Variants in ANKRD30A observed in about 807,000 individuals in gnomAD.
ANKRD30A encodes the protein ankyrin repeat domain-containing protein 30A.
A neutral mutation model predicts 166.3 loss-of-function variants in ANKRD30A; 170 were observed. That is an observed-to-expected ratio of 1.02 (90% CI 0.90 to 1.16). ANKRD30A has a LOEUF of 1.16. Ranked by LOEUF, ANKRD30A falls within the 50% of genes most tolerant of loss-of-function variation. The pLI is 0.00. For synonymous variants in ANKRD30A, 564 were observed against 508.9 expected (o/e 1.11, Z -1.46); for missense variants, 1,630 against 1,518.0 (o/e 1.07, Z -1.23).
intron 11 of ANKRD30A, among the ~76,000 whole-genome samples, chr10:37,151,667 G>C (rs771755606): frequency 6.6e-6 from 1 of 152,044 alleles, no homozygotes; most frequent in Non-Finnish European, 1.5e-5. Flanking sequence ...AGAGATTGCT[G>C]AGTCAATCAA....
downstream of ANKRD30A, among the ~76,000 whole-genome samples, chr10:37,236,002 T>C (rs1341782311): frequency 6.6e-6 from 1 of 152,106 alleles, no homozygotes; most frequent in East Asian, 1.9e-4. Context: ...TCTCCTGACC[T>C]CGTGATCTGC....
intron 31 of ANKRD30A, among the ~76,000 whole-genome samples, chr10:37,210,797 C>T (rs997491660): frequency 6.6e-6 from 1 of 152,070 alleles, no homozygotes; most frequent in East Asian, 1.9e-4. Context: ...ATCCTTTGCT[C>T]ACTTTATGAT....
At chr10:37,198,469 TA>T (rs1841340519) in intron 29 of ANKRD30A, among the ~76,000 whole-genome samples, 1 of 152,140 alleles carries the variant, frequency 6.6e-6, no homozygotes, top group Admixed American at 6.5e-5. Context: ...TCTGCATCTT[TA>T]AAAGGTTAGT....
intron 18 of ANKRD30A, among the ~76,000 whole-genome samples, 166 bp downstream of exon 18, chr10:37,165,321 C>G (rs1224167211): frequency 1.3e-5 from 2 of 152,128 alleles, no homozygotes; most frequent in African/African-American, 4.8e-5. Context: ...AAGTAGATTC[C>G]TGCTTCACAG....
chr10:37,204,895 T>G lies in ANKRD30A; in HGVS notation c.2869+3570T>G, dbSNP rs1841889228. On this transcript the variant is annotated intron_variant, in intron 31 of 35. Transcript: ENST00000361713. ...AGAGAAATGCAAATCAAAACCATGA[T>G]GAGATATCATCTCACACCAGTTAGA... is the stretch of plus-strand genomic sequence containing the variant. 2.0e-5 allele frequency among the ~76,000 whole-genome samples: 3 copies of G among 152,152 alleles called. No individual in the cohort carries two copies. In the South Asian group the frequency reaches 6.2e-4, roughly 32 times the overall value.
At chr10:37,149,601 G>T (rs763942873) in intron 9 of ANKRD30A, 50 bp from the exon 10 acceptor site, 1 of 1,576,190 alleles carries the variant, frequency 6.3e-7, no homozygotes, top group Non-Finnish European at 8.7e-7. Flanking sequence ...CATTTGGTTG[G>T]CATTGTCATA....
At chr10:37,141,053 GTTA>G (rs1448654965) in intron 6 of ANKRD30A, among the ~76,000 whole-genome samples, 1 of 151,722 alleles carries the variant, frequency 6.6e-6, no homozygotes, top group African/African-American at 2.4e-5. Flanking sequence ...CATCTTCCTT[GTTA>G]TTATATAATT....
intron 34 of ANKRD30A, among the ~76,000 whole-genome samples, chr10:37,223,737 A>G (rs1044796843): frequency 6.6e-5 from 10 of 151,458 alleles, no homozygotes; most frequent in African/African-American, 2.4e-4. Flanking sequence ...TTACACATAT[A>G]TAACTCATGA....
At chr10:37,150,886 C>G (rs949581931) in intron 11 of ANKRD30A, among the ~76,000 whole-genome samples, 26 of 152,010 alleles carry the variant, frequency 1.7e-4, no homozygotes, top group African/African-American at 5.3e-4. Flanking sequence ...TGCAATCATA[C>G]ACTCCACTAA....
rs537556237 is a variant in ANKRD30A, at chr10:37,132,384, A to G, written c.617+38A>G. Reference sequence around the variant, plus strand: ...TTTTTTTATTAAAAAACACTTGAGTAGTGTTCTAGAGTAATAACACTCAAG... The same window carrying G: ...TTTTTTTATTAAAAAACACTTGAGTGGTGTTCTAGAGTAATAACACTCAAG... On this transcript the variant is annotated intron_variant, in intron 4 of 35. Coordinates refer to ENST00000361713, the MANE Select transcript of ANKRD30A (RefSeq NM_052997.3). 522 of 1,208,162 alleles carry G rather than the reference A, an allele frequency of 4.3e-4. 6 individuals carry two copies. In the South Asian group the frequency reaches 7.9e-3, roughly 18 times the overall value. The allele number at this position is 1,208,162 out of a possible 1,614,324, so 74.8% of individuals were successfully genotyped here.
At chr10:37,126,900 A>G (rs1313645689) in intron 1 of ANKRD30A, among the ~76,000 whole-genome samples, 2 of 151,924 alleles carry the variant, frequency 1.3e-5, no homozygotes, top group Non-Finnish European at 2.9e-5. Flanking sequence ...TACAAAAATT[A>G]GCCGGGCATG....
chr10:37,206,794 C>CA (rs1361850879), intron 31 of ANKRD30A, among the ~76,000 whole-genome samples: 3 of 150,078 alleles, frequency 2.0e-5, no homozygotes, highest in African/African-American at 4.9e-5. Context: ...ACTCCCATCT[C>CA]AAAAAAAATA....
the ANKRD30A span, among the ~76,000 whole-genome samples, chr10:37,254,024 G>A: frequency 6.6e-6 from 1 of 152,164 alleles, no homozygotes; most frequent in African/African-American, 2.4e-5. Context: ...GACCTAATAA[G>A]TTTGTATTAT....
the ANKRD30A span, chr10:37,248,172 CG>C: frequency 1.6e-6 from 1 of 635,004 alleles, no homozygotes. Context: ...GTCTTGCACT[CG>C]GGAGAGCATG....
At chr10:37,172,358 A>G (rs1245784648) in intron 21 of ANKRD30A, among the ~76,000 whole-genome samples, 1 of 124,036 alleles carries the variant, frequency 8.1e-6, no homozygotes, top group Non-Finnish European at 1.7e-5. Context: ...GGGTCAAGAG[A>G]ATGCATTATA....
At chr10:37,208,143 C>A (rs1343503114) in intron 31 of ANKRD30A, among the ~76,000 whole-genome samples, 2 of 152,072 alleles carry the variant, frequency 1.3e-5, no homozygotes, top group South Asian at 4.2e-4. Flanking sequence ...CATTCATGAC[C>A]ACTCAGGACA....
intron 31 of ANKRD30A, among the ~76,000 whole-genome samples, chr10:37,203,005 C>A (rs1442510472): frequency 6.6e-6 from 1 of 152,094 alleles, no homozygotes. Flanking sequence ...AGCCTACCAA[C>A]CAAGAAAAGT....
intron 7 of ANKRD30A, among the ~76,000 whole-genome samples, chr10:37,142,570 CTTTTTTTTTT>C (rs869026268): frequency 1.1e-4 from 9 of 78,968 alleles, no homozygotes; most frequent in Admixed American, 7.9e-4. Context: ...TAGGATCACA[CTTTTTTTTTT>C]TTTTTTTTTT....
chr10:37,212,060 G>A (rs1219417055), intron 31 of ANKRD30A, among the ~76,000 whole-genome samples: 1 of 151,954 alleles, frequency 6.6e-6, no homozygotes, highest in African/African-American at 2.4e-5. Flanking sequence ...ATTCAATTAG[G>A]GAAAGAGGAA....
Sources: gnomAD v4.1 joint callset for allele counts (sites outside exome capture counted in the v4.1 genomes callset) on GRCh38, gnomAD v4.1.1 for gene constraint, MANE v1.5 for transcripts, NCBI Gene and HGNC (gene_info 2026-07-23, HGNC 2026-07-21) for gene names.